Variants in CDH8 observed in about 807,000 individuals in gnomAD.
The protein encoded by CDH8 is cadherin 8, also known as cadherin-8.
A neutral mutation model predicts 68.1 loss-of-function variants in CDH8; 17 were observed. The observed-to-expected ratio is 0.25, with a 90% CI of 0.17 to 0.37. CDH8 has a LOEUF of 0.37. CDH8 is among the 10% of genes least tolerant of loss of function. The pLI is 1.00. For synonymous variants in CDH8, 372 were observed against 365.1 expected, an observed-to-expected ratio of 1.02 and a Z score of -0.21; for missense variants, 763 against 999.3, an observed-to-expected ratio of 0.76 and a Z score of 3.19.
chr16:61,755,288 C>G (rs551654804), intron 8 of CDH8, among the ~76,000 whole-genome samples: 1 of 151,842 alleles, frequency 6.6e-6, no homozygotes, highest in Admixed American at 6.6e-5. Context: ...AATTAACATA[C>G]GGAATAATCA....
intron 7 of CDH8, among the ~76,000 whole-genome samples, chr16:61,804,661 C>G (rs1421901642): frequency 6.6e-6 from 1 of 150,580 alleles, no homozygotes; most frequent in Non-Finnish European, 1.5e-5. Flanking sequence ...CACAGAAATA[C>G]AAACTACCAT....
At chr16:61,935,747 T>C (rs1213088286) in intron 2 of CDH8, among the ~76,000 whole-genome samples, 1 of 152,192 alleles carries the variant, frequency 6.6e-6, no homozygotes, top group Non-Finnish European at 1.5e-5. Flanking sequence ...TGTGTGCTCA[T>C]CTATTAGACT....
intron 1 of CDH8, 85 bp downstream of exon 1, chr16:62,035,995 G>C (rs1040028249): frequency 6.6e-6 from 1 of 152,374 alleles, no homozygotes; most frequent in Admixed American, 6.5e-5. Flanking sequence ...GTGTCCGAAG[G>C]GGCATGGGAA....
At chr16:61,923,815 ATATAT>A (rs1289874384) in intron 2 of CDH8, among the ~76,000 whole-genome samples, 2 of 147,536 alleles carry the variant, frequency 1.4e-5, no homozygotes, top group East Asian at 1.9e-4. Flanking sequence ...ATATTTAAAT[ATATAT>A]TATATATGTG....
intron 3 of CDH8, among the ~76,000 whole-genome samples, chr16:61,877,727 G>A (rs886364098): frequency 1.3e-5 from 2 of 151,988 alleles, no homozygotes; most frequent in Admixed American, 1.3e-4. Context: ...AAATAAGAGA[G>A]AATGAAGAGA....
chr16:61,754,154 C>G (rs1270632578), intron 8 of CDH8, among the ~76,000 whole-genome samples: 1 of 152,098 alleles, frequency 6.6e-6, no homozygotes, highest in African/African-American at 2.4e-5. Flanking sequence ...AGCTTCCACA[C>G]AAAAACTTAT....
chr16:61,957,479 G>A (rs915926358), intron 2 of CDH8, among the ~76,000 whole-genome samples: 3 of 152,142 alleles, frequency 2.0e-5, no homozygotes, highest in African/African-American at 7.2e-5. Flanking sequence ...GACTTCAAGA[G>A]GTTCCAAACT....
At chr16:61,952,117 T>G (rs1201891487) in intron 2 of CDH8, among the ~76,000 whole-genome samples, 1 of 152,164 alleles carries the variant, frequency 6.6e-6, no homozygotes, top group Non-Finnish European at 1.5e-5. Context: ...AAACGTCTTT[T>G]TTGAGATTTG....
At chr16:61,704,148 T>C (rs1369777892) in intron 10 of CDH8, among the ~76,000 whole-genome samples, 13 of 152,198 alleles carry the variant, frequency 8.5e-5, no homozygotes, top group African/African-American at 2.9e-4. Context: ...TCTAGGTATA[T>C]CCCTTAACTT....
intron 7 of CDH8, among the ~76,000 whole-genome samples, chr16:61,791,945 T>C (rs1961388553): frequency 6.6e-6 from 1 of 151,930 alleles, no homozygotes; most frequent in Admixed American, 6.6e-5. Context: ...CCAGGAACAG[T>C]TGTGAAGACT....
intron 2 of CDH8, among the ~76,000 whole-genome samples, chr16:61,944,662 C>T (rs566714179): frequency 3.3e-5 from 5 of 152,122 alleles, no homozygotes; most frequent in East Asian, 3.9e-4. Context: ...TAGGAGCAGG[C>T]GGGGTGTGGT....
chr16:61,838,870 G>A (rs776091772), intron 4 of CDH8, among the ~76,000 whole-genome samples: 6 of 152,102 alleles, frequency 3.9e-5, no homozygotes, highest in Admixed American at 2.0e-4. Flanking sequence ...TAATCATGAA[G>A]TCCCTGAATT....
At chr16:61,938,627 T>C (rs1361098606) in intron 2 of CDH8, among the ~76,000 whole-genome samples, 1 of 152,172 alleles carries the variant, frequency 6.6e-6, no homozygotes. Flanking sequence ...ATAAATAAAG[T>C]GCATCTGCCT....
At position 61,782,360 on chromosome 16, in the gene CDH8, C is replaced by G. The variant is rs141382276; in HGVS notation, c.1414+6986G>C. On this transcript the variant is annotated intron_variant, in intron 8 of 11. Transcript: ENST00000577390. ...CCTGGAAAATCGGGTCACTCCAACC[C>G]GAATATTGCGCTTTTCAGACCGGCT... 1.1e-4 allele frequency among the ~76,000 whole-genome samples: 17 copies of G among 152,178 alleles called. No individual in the cohort carries two copies. The East Asian group carries it at 3.1e-3, about 28-fold the overall frequency.
At chr16:61,924,096 C>T (rs967830600) in intron 2 of CDH8, among the ~76,000 whole-genome samples, 3 of 151,616 alleles carry the variant, frequency 2.0e-5, no homozygotes, top group South Asian at 2.1e-4. Context: ...CCGCTGACTT[C>T]GAGATCAAAA....
intron 8 of CDH8, among the ~76,000 whole-genome samples, chr16:61,774,521 C>T (rs1447222793): frequency 1.3e-5 from 2 of 150,874 alleles, no homozygotes; most frequent in African/African-American, 4.9e-5. Flanking sequence ...TACCTATCTG[C>T]ATGGGATTTT....
intron 2 of CDH8, among the ~76,000 whole-genome samples, chr16:61,909,196 G>A (rs1450975524): frequency 6.6e-6 from 1 of 152,154 alleles, no homozygotes; most frequent in African/African-American, 2.4e-5. Flanking sequence ...TCAGCTGCTG[G>A]TGTGAGCGTT....
At chr16:61,970,258 A>G (rs72800821) in intron 2 of CDH8, among the ~76,000 whole-genome samples, 7,261 of 152,328 alleles carry the variant, frequency 0.048, 232 homozygotes, top group Non-Finnish European at 0.073. Flanking sequence ...ACTTAAAAAA[A>G]GAGACTTAGT....
intron 10 of CDH8, among the ~76,000 whole-genome samples, chr16:61,706,791 A>G (rs1335159538): frequency 6.6e-6 from 1 of 152,168 alleles, no homozygotes; most frequent in Non-Finnish European, 1.5e-5. Context: ...GAAGTTCTAT[A>G]TTTAGCATAC....
Sources: allele counts gnomAD v4.1 joint callset (sites outside exome capture counted in the v4.1 genomes callset), GRCh38; gene constraint gnomAD v4.1.1; transcripts MANE v1.5; gene names NCBI Gene and HGNC (gene_info 2026-07-23, HGNC 2026-07-21).